The following MEGF10 variants were observed in gnomAD, a reference collection of about 807,000 sequenced individuals.
MEGF10 encodes multiple epidermal growth factor-like domains protein 10.
Under a neutral mutation model 147.5 loss-of-function variants are expected in MEGF10, and 86 were observed. The observed-to-expected ratio is 0.58, with a 90% CI of 0.49 to 0.70. MEGF10 has a LOEUF of 0.70. Ranked by LOEUF, MEGF10 falls within the 30% of genes least tolerant of loss-of-function variation. MEGF10 has a pLI of 0.00. For missense variants in MEGF10, 1,329 were observed against 1,487.3 expected (o/e 0.89, Z 1.75); for synonymous variants, 478 against 525.5 (o/e 0.91, Z 1.24).
At chr5:127,384,938 C>T (rs1488589832) in intron 5 of MEGF10, among the ~76,000 whole-genome samples, 1 of 152,104 alleles carries the variant, frequency 6.6e-6, no homozygotes, top group Non-Finnish European at 1.5e-5. Context: ...GCCTTGTTAG[C>T]CTGAAGCGCA....
At chr5:127,238,312 T>C in the MEGF10 span, among the ~76,000 whole-genome samples, 1 of 152,078 alleles carries the variant, frequency 6.6e-6, no homozygotes, top group Non-Finnish European at 1.5e-5. Context: ...CACCTCAGGT[T>C]CCCAAATTTC....
At chr5:127,268,581 AG>A in the MEGF10 span, among the ~76,000 whole-genome samples, 1 of 152,326 alleles carries the variant, frequency 6.6e-6, no homozygotes, top group African/African-American at 2.4e-5. Flanking sequence ...AGGTAAACAA[AG>A]GGGCCAGGAA....
intron 12 of MEGF10, among the ~76,000 whole-genome samples, chr5:127,421,988 C>CA (rs34631374): frequency 0.15 from 9,193 of 60,408 alleles, 943 homozygotes; most frequent in African/African-American, 0.32. Context: ...GACTCCGTCT[C>CA]AAAAAAAAAA....
chr5:127,379,282 C>A lies in MEGF10; in HGVS notation c.412+9280C>A, dbSNP rs141153480. Among the ~76,000 whole-genome samples the A allele has an allele frequency of 5.9e-3, 897 of 152,188 alleles. 7 individuals are homozygous for A. Among genetic ancestry groups the A allele is most frequent in the African/African-American group, 0.019 (808 of 41,518 alleles). On this transcript the variant is annotated intron_variant, in intron 5 of 24. Coordinates refer to ENST00000503335, the MANE Select transcript of MEGF10 (RefSeq NM_001256545.2). ...TGCCACCCAAGTCAATTATCTATGACCAGAGTGAGACTAGCGTGATCTTGT... is the reference window on the plus strand; with the variant it reads ...TGCCACCCAAGTCAATTATCTATGAACAGAGTGAGACTAGCGTGATCTTGT...
chr5:127,258,908 T>C, the MEGF10 span, among the ~76,000 whole-genome samples: 3 of 152,186 alleles, frequency 2.0e-5, no homozygotes, highest in Non-Finnish European at 4.4e-5. Flanking sequence ...TATTCTCTTA[T>C]AGTAACACAA....
rs747051400 is a variant in MEGF10 at position 127,457,336 on chromosome 5, G to T, written c.*18G>T. The T allele has an allele frequency of 1.4e-4, 220 of 1,606,540 alleles. No homozygotes were observed. The highest frequency in any genetic ancestry group is 1.7e-4 in the Middle Eastern group (1 of 6,034). On this transcript the variant is annotated 3_prime_UTR_variant, in exon 25 of 25. Coordinates refer to ENST00000503335, the MANE Select transcript of MEGF10 (RefSeq NM_001256545.2). ...GTGAATGACACCAAAGGACCGCTTG[G>T]TAGCCACTGGAACCCTTTCCAGAAC...
intron 1 of MEGF10, among the ~76,000 whole-genome samples, chr5:127,318,414 A>G (rs1289015448): frequency 6.6e-6 from 1 of 152,220 alleles, no homozygotes; most frequent in African/African-American, 2.4e-5. Context: ...CCATTTCCTC[A>G]TCCCTGATAG....
At chr5:127,433,131 A>G (rs1765441089) in intron 13 of MEGF10, among the ~76,000 whole-genome samples, 1 of 152,264 alleles carries the variant, frequency 6.6e-6, no homozygotes, top group African/African-American at 2.4e-5. Flanking sequence ...AGAAAAATCA[A>G]TATAACAAAA....
chr5:127,441,554 A>C (rs1485116050), intron 18 of MEGF10, among the ~76,000 whole-genome samples: 1 of 152,156 alleles, frequency 6.6e-6, no homozygotes, highest in Non-Finnish European at 1.5e-5. Context: ...AAAATTGAAT[A>C]TTGCAAATTA....
At chr5:127,302,352 T>C (rs1759813599) in intron 1 of MEGF10, among the ~76,000 whole-genome samples, 1 of 152,232 alleles carries the variant, frequency 6.6e-6, no homozygotes, top group Non-Finnish European at 1.5e-5. Flanking sequence ...AATATTATGC[T>C]AAGTGAAAAA....
the MEGF10 span, among the ~76,000 whole-genome samples, chr5:127,281,019 C>A: frequency 6.6e-6 from 1 of 152,176 alleles, no homozygotes; most frequent in Non-Finnish European, 1.5e-5. Flanking sequence ...GGGAAGTCAG[C>A]AACCTCCTAT....
chr5:127,257,663 G>T, the MEGF10 span, among the ~76,000 whole-genome samples: 1 of 152,178 alleles, frequency 6.6e-6, no homozygotes, highest in African/African-American at 2.4e-5. Flanking sequence ...TTAGGGACAT[G>T]CCTGTGATAG....
rs77035942 is a variant in MEGF10 at position 127,350,624 on chromosome 5, C to A, written c.319+9994C>A. Reference sequence around the variant, plus strand: ...GATGTTCTTCAGGGCTCAGTCTGTACTAAACAGAAGGAATGAAATACAAAC... The same window carrying A: ...GATGTTCTTCAGGGCTCAGTCTGTAATAAACAGAAGGAATGAAATACAAAC... On this transcript the variant is annotated intron_variant, in intron 4 of 24. Coordinates refer to ENST00000503335, the MANE Select transcript of MEGF10 (RefSeq NM_001256545.2). 6.4e-3 allele frequency among the ~76,000 whole-genome samples: 971 copies of A among 152,070 alleles called. 12 individuals carry two copies. Among genetic ancestry groups the A allele is most frequent in the African/African-American group, 0.023 (935 of 41,490 alleles).
chr5:127,454,440 G>T, intron 22 of MEGF10, 126 bp from the exon 23 acceptor site: 1 of 720,558 alleles, frequency 1.4e-6, no homozygotes, highest in Non-Finnish European at 2.3e-6. Context: ...TGGTGTAAAG[G>T]CTTGAAGAGC....
chr5:127,438,624 G>T, intron 17 of MEGF10, 57 bp downstream of exon 17: 1 of 1,591,404 alleles, frequency 6.3e-7, no homozygotes. Flanking sequence ...GGAGGAAACA[G>T]CCTTACCCTC....
At chr5:127,335,251 A>G (rs1370442103) in intron 2 of MEGF10, among the ~76,000 whole-genome samples, 9 of 152,130 alleles carry the variant, frequency 5.9e-5, no homozygotes, top group African/African-American at 1.9e-4. Flanking sequence ...GGGGCAGGAC[A>G]GTGTCTGAGG....
At chr5:127,262,460 A>G in the MEGF10 span, among the ~76,000 whole-genome samples, 1 of 152,130 alleles carries the variant, frequency 6.6e-6, no homozygotes, top group South Asian at 2.1e-4. Flanking sequence ...CCTGTGATAT[A>G]AGAGAGAGTT....
intron 2 of MEGF10, 29 bp downstream of exon 2, chr5:127,331,453 G>C: frequency 7.6e-7 from 1 of 1,309,332 alleles, no homozygotes; most frequent in East Asian, 2.3e-5. Context: ...GCCTGACAAA[G>C]AATTGCTGAG....
At chr5:127,354,533 A>G (rs1762204505) in intron 4 of MEGF10, among the ~76,000 whole-genome samples, 1 of 152,084 alleles carries the variant, frequency 6.6e-6, no homozygotes, top group Non-Finnish European at 1.5e-5. Context: ...GAGCAAAGTG[A>G]CTCACTAGTG....
Sources: gnomAD v4.1 joint callset for allele counts (sites outside exome capture counted in the v4.1 genomes callset) on GRCh38, gnomAD v4.1.1 for gene constraint, MANE v1.5 for transcripts, NCBI Gene and HGNC (gene_info 2026-07-23, HGNC 2026-07-21) for gene names.